CHCHD6: variants seen among roughly 807,000 people sequenced by gnomAD.
The protein encoded by CHCHD6 is coiled-coil-helix-coiled-coil-helix domain containing 6.
A neutral mutation model predicts 32.3 loss-of-function variants in CHCHD6; 28 were observed. The observed-to-expected ratio is 0.87, with a 90% confidence interval of 0.64 to 1.19. The LOEUF is 1.19. Among genes scored for constraint, CHCHD6 ranks in the 50% most tolerant of loss-of-function variants. The pLI is 0.00. For missense variants in CHCHD6, 333 were observed against 307.0 expected (o/e 1.08, Z -0.63); for synonymous variants, 122 against 117.5 (o/e 1.04, Z -0.25).
At chr3:126,857,305 G>A (rs932580879) in intron 5 of CHCHD6, among the ~76,000 whole-genome samples, 4 of 152,148 alleles carry the variant, frequency 2.6e-5, no homozygotes, top group African/African-American at 9.7e-5. Context: ...CTATGAAGTG[G>A]AGAAGGTCTT....
chr3:126,910,273 G>GAAAAAAAAAAACAC (rs1553756143), intron 5 of CHCHD6, among the ~76,000 whole-genome samples: 1 of 111,456 alleles, frequency 9.0e-6, no homozygotes, highest in Non-Finnish European at 1.8e-5. Context: ...CCTGCCTCAG[G>GAAAAAAAAAAACAC]AAAAAAAAAA....
chr3:126,769,918 T>G (rs536128812), intron 4 of CHCHD6, among the ~76,000 whole-genome samples: 2 of 152,222 alleles, frequency 1.3e-5, no homozygotes, highest in South Asian at 2.1e-4. Flanking sequence ...GTAAATTGCT[T>G]TGTGCTGTAT....
At chr3:126,951,254 G>C (rs2078711716) in intron 6 of CHCHD6, among the ~76,000 whole-genome samples, 1 of 152,150 alleles carries the variant, frequency 6.6e-6, no homozygotes, top group Admixed American at 6.5e-5. Flanking sequence ...GGCCTCACCA[G>C]CAATGCAAAA....
At chr3:126,786,048 G>A (rs1282011924) in intron 4 of CHCHD6, among the ~76,000 whole-genome samples, 1 of 152,030 alleles carries the variant, frequency 6.6e-6, no homozygotes, top group African/African-American at 2.4e-5. Context: ...TCATTGTTCA[G>A]TTCCCACCTA....
At chr3:126,924,878 C>T (rs911751426) in intron 6 of CHCHD6, among the ~76,000 whole-genome samples, 4 of 152,172 alleles carry the variant, frequency 2.6e-5, no homozygotes, top group Admixed American at 2.6e-4. Context: ...GAGCTGAGGT[C>T]GCAGGAAAGG....
At chr3:126,926,451 T>C (rs1433558954) in intron 6 of CHCHD6, among the ~76,000 whole-genome samples, 3 of 152,200 alleles carry the variant, frequency 2.0e-5, no homozygotes, top group Non-Finnish European at 2.9e-5. Flanking sequence ...ATGGCAGGAC[T>C]AGCTTTGCCT....
intron 1 of CHCHD6, among the ~76,000 whole-genome samples, chr3:126,706,070 G>A (rs1269726921): frequency 6.6e-6 from 1 of 152,142 alleles, no homozygotes; most frequent in Non-Finnish European, 1.5e-5. Context: ...ACCTGAATTG[G>A]AATTTAGAAA....
At chr3:126,936,028 A>G (rs2078476128) in intron 6 of CHCHD6, among the ~76,000 whole-genome samples, 1 of 152,240 alleles carries the variant, frequency 6.6e-6, no homozygotes, top group African/African-American at 2.4e-5. Flanking sequence ...TATGGAATGT[A>G]CATATGTACT....
intron 6 of CHCHD6, among the ~76,000 whole-genome samples, 179 bp downstream of exon 6, chr3:126,914,929 C>T (rs1576596614): frequency 6.6e-6 from 1 of 152,186 alleles, no homozygotes; most frequent in Admixed American, 6.5e-5. Flanking sequence ...TGTAATTGGC[C>T]AAATTAGCAC....
At chr3:126,954,601 G>A (rs552765643) in intron 6 of CHCHD6, among the ~76,000 whole-genome samples, 1 of 152,342 alleles carries the variant, frequency 6.6e-6, no homozygotes, top group South Asian at 2.1e-4. Context: ...GACTAAGCCT[G>A]GGGCTTCCCC....
At chr3:126,789,880 A>T (rs375291196) in intron 4 of CHCHD6, among the ~76,000 whole-genome samples, 9 of 139,910 alleles carry the variant, frequency 6.4e-5, no homozygotes, top group Admixed American at 6.4e-4. Flanking sequence ...ATGTTAGCTG[A>T]TTATTTTGCT....
intron 5 of CHCHD6, among the ~76,000 whole-genome samples, chr3:126,893,884 C>T (rs2077800674): frequency 6.6e-6 from 1 of 152,206 alleles, no homozygotes; most frequent in East Asian, 1.9e-4. Context: ...ATTAGATGTC[C>T]TGGTGCCCCT....
At chr3:126,960,127 G>T in intron 7 of CHCHD6, 69 bp from the exon 8 acceptor site, 3 of 1,546,602 alleles carry the variant, frequency 1.9e-6, no homozygotes, top group East Asian at 2.4e-5. Context: ...GTCACAGGGC[G>T]ATCTGCACGG....
At chr3:126,859,264 G>A (rs1170223379) in intron 5 of CHCHD6, among the ~76,000 whole-genome samples, 1 of 152,188 alleles carries the variant, frequency 6.6e-6, no homozygotes, top group Non-Finnish European at 1.5e-5. Flanking sequence ...GGATGTCAGT[G>A]GGCCGCATGC....
At chr3:126,841,141 G>A (rs376786765) in intron 4 of CHCHD6, among the ~76,000 whole-genome samples, 68 of 151,864 alleles carry the variant, frequency 4.5e-4, no homozygotes, top group African/African-American at 1.4e-3. Flanking sequence ...GAGAATATGC[G>A]GTGTTTGGTT....
At chr3:126,870,368 A>G (rs540387301) in intron 5 of CHCHD6, among the ~76,000 whole-genome samples, 65 of 152,340 alleles carry the variant, frequency 4.3e-4, no homozygotes, top group African/African-American at 1.5e-3. Context: ...ACCACACAGC[A>G]TCCACCTGCA....
chr3:126,890,439 A>G (rs1427960040), intron 5 of CHCHD6, among the ~76,000 whole-genome samples: 2 of 152,152 alleles, frequency 1.3e-5, no homozygotes, highest in Non-Finnish European at 2.9e-5. Flanking sequence ...ACCTAAAAAC[A>G]GGCACATTGG....
chr3:126,780,713 T>A (rs1469035455), intron 4 of CHCHD6, among the ~76,000 whole-genome samples: 1 of 152,178 alleles, frequency 6.6e-6, no homozygotes, highest in Non-Finnish European at 1.5e-5. Context: ...TAGCAAGGTG[T>A]GTGAAGAGGC....
chr3:126,737,852 A>G (rs1416703677), intron 4 of CHCHD6, among the ~76,000 whole-genome samples: 2 of 151,546 alleles, frequency 1.3e-5, no homozygotes, highest in Non-Finnish European at 2.9e-5. Flanking sequence ...AGGGGCCCAC[A>G]GTGTAGGTGC....
Sources: allele counts gnomAD v4.1 joint callset (sites outside exome capture counted in the v4.1 genomes callset), GRCh38; gene constraint gnomAD v4.1.1; transcripts MANE v1.5; gene names NCBI Gene and HGNC (gene_info 2026-07-23, HGNC 2026-07-21).